Variants in STAB1 observed in about 807,000 individuals in gnomAD.
STAB1 encodes stabilin-1.
Under a neutral mutation model 332.4 loss-of-function variants are expected in STAB1, and 250 were observed. The observed-to-expected ratio is 0.75, with a 90% confidence interval of 0.68 to 0.84. The LOEUF (loss-of-function observed/expected upper bound fraction) is 0.84. STAB1 is among the 40% of genes least tolerant of loss of function. The pLI is 0.00. For missense variants in STAB1, 3,249 were observed against 3,489.7 expected, an observed-to-expected ratio of 0.93 and a Z score of 1.74; for synonymous variants, 1,475 against 1,390.4, an observed-to-expected ratio of 1.06 and a Z score of -1.35.
At chr3:52,524,051 T>C (rs532043086) in intron 67 of STAB1, 34 bp downstream of exon 67, 29 of 1,612,270 alleles carry the variant, frequency 1.8e-5, no homozygotes, top group South Asian at 3.3e-5. Flanking sequence ...TGGCGGGTCC[T>C]TGGATCTCGC....
At chr3:52,509,176 C>T (rs1212694477) in intron 21 of STAB1, 34 bp from the exon 22 acceptor site, 3 of 1,601,336 alleles carry the variant, frequency 1.9e-6, no homozygotes, top group Non-Finnish European at 2.6e-6. Context: ...AGTCCCTTTC[C>T]CATGACTGAT....
rs369232533 is a variant in STAB1, at chr3:52,511,752, G to A, written c.2883+7G>A. 1.3e-6 allele frequency: 2 copies of A among 1,574,886 alleles called. No homozygotes were observed. Among genetic ancestry groups the A allele is most frequent in the African/African-American group, 2.7e-5 (2 of 74,184 alleles). ...TGGCGGCTGCCACGGCCTGGTAAGG[G>A]GGTGCAAGGCTCAGAGCCCTGGGGA... is the stretch of plus-strand genomic sequence containing the variant. On this transcript the variant is annotated splice_region_variant and intron_variant, in intron 26 of 68. Transcript: ENST00000321725.
Position 52,507,934 on chromosome 3 carries a change from A to T in STAB1, c.2056A>T (p.Ile686Phe), listed in dbSNP as rs1708998099. The change falls in exon 20 of 69, where the codon ATC becomes TTC. Residue 686 changes from isoleucine to phenylalanine, a missense_variant. By Grantham distance (21) the Ile-to-Phe change is conservative. Transcript: ENST00000321725. ...GGCTTTGCATGGCCCACCCTAGGAC[A>T]TCTTCCCCAAGGAGTGTGTCTACAT... is the stretch of plus-strand genomic sequence containing the variant. The part of the protein sequence containing the change: ...TCPPNSVKLD[I>F]FPKECVYIHD... 1.2e-6 allele frequency: 2 copies of T among 1,613,280 alleles called. No homozygotes were observed. The highest frequency in any genetic ancestry group is 1.7e-6 in the Non-Finnish European group (2 of 1,179,844).
At position 52,509,774 on chromosome 3, in the gene STAB1, G is replaced by A. The variant is rs1251131451; in HGVS notation, c.2348-96G>A. On this transcript the variant is annotated intron_variant, in intron 22 of 68. Coordinates refer to ENST00000321725, the MANE Select transcript of STAB1 (RefSeq NM_015136.3). ...CCACCCTGAAGTCAAATCTGTACTG[G>A]CTGCCCCACTCCCTATATCCCCCAA... The A allele has an allele frequency of 4.4e-6, 6 of 1,357,102 alleles. No individual in the cohort carries two copies. In the East Asian group the frequency reaches 1.2e-4, roughly 27 times the overall value. The allele number at this position is 1,357,102 out of a possible 1,614,324, so 84.1% of individuals were successfully genotyped here. A position where few individuals can be genotyped will look rare whatever the true frequency, so the allele number is the denominator to read the frequency against.
At chr3:52,503,178 C>T (rs1708579297) in intron 7 of STAB1, 69 bp downstream of exon 7, 2 of 1,513,728 alleles carry the variant, frequency 1.3e-6, no homozygotes, top group South Asian at 2.4e-5. Flanking sequence ...CATCCTTTAA[C>T]CCAGCAAGTG....
intron 40 of STAB1, 44 bp downstream of exon 40, chr3:52,516,631 C>T: frequency 6.2e-7 from 1 of 1,611,966 alleles, no homozygotes; most frequent in Non-Finnish European, 8.5e-7. Context: ...TGGCGGGGAG[C>T]CTGGGGGTCA....
rs764554524 is a variant in STAB1, at chr3:52,521,397, G to A, written c.5945G>A (p.Arg1982His). 50 of 1,613,896 alleles carry A rather than the reference G, an allele frequency of 3.1e-5. No homozygotes were observed. In the East Asian group the frequency reaches 5.6e-4, roughly 18 times the overall value. ...PGGPSSPCSDRGVCMDGMSGS... is the reference protein window; with the variant it reads ...PGGPSSPCSDHGVCMDGMSGS... ...GGCCCCAGCAGCCCTTGTAGTGACC[G>A]TGGCGTGTGCATGGACGGCATGAGT... Residue 1982 changes from arginine (R) to histidine (H), a missense_variant, in exon 56 of 69, where the codon CGT (arginine) becomes CAT (histidine). By Grantham distance (29) the Arg-to-His change is conservative. Coordinates refer to ENST00000321725, the MANE Select transcript of STAB1 (RefSeq NM_015136.3).
At position 52,514,771 on chromosome 3, in the gene STAB1, C is replaced by T. The variant is rs143656881; in HGVS notation, c.3749C>T (p.Ser1250Leu). 643 of 1,612,988 alleles carry T rather than the reference C, an allele frequency of 4.0e-4. 6 individuals carry two copies. Among genetic ancestry groups the T allele is most frequent in the South Asian group, 3.3e-3 (304 of 91,074 alleles). Residue 1250 changes from serine (S) to leucine (L), a missense_variant, in exon 35 of 69, where the codon TCG (serine) becomes TTG (leucine). Physicochemically the swap from Ser to Leu is moderately radical, Grantham distance 145. Coordinates refer to ENST00000321725, the MANE Select transcript of STAB1 (RefSeq NM_015136.3). ...CCTGGCCGCTCGCTGATTGGTCTGT[C>T]GGGGGTCCTGACGGTGGGCTCAAGT... ...EAPGRSLIGL[S>L]GVLTVGSSRC...
In STAB1 at chr3:52,503,770, A is replaced by C; in HGVS notation, c.892-2A>C. 6.2e-7 allele frequency: 1 copy of C among 1,613,020 alleles called. No individual in the cohort carries two copies. The highest frequency in any genetic ancestry group is 8.5e-7 in the Non-Finnish European group (1 of 1,179,996). On this transcript the variant is annotated splice_acceptor_variant, in intron 8 of 68. Coordinates refer to ENST00000321725, the MANE Select transcript of STAB1 (RefSeq NM_015136.3). LOFTEE classifies it high-confidence loss of function. ...TTCCCCTCCTGCCCTGTCGGGGGCCAGGCCTTCTGCACCTGCCGGCCAGGC... is the reference window on the plus strand; with the variant it reads ...TTCCCCTCCTGCCCTGTCGGGGGCCCGGCCTTCTGCACCTGCCGGCCAGGC...
Position 52,522,907 on chromosome 3 carries a change from G to C in STAB1, c.6877G>C (p.Glu2293Gln). 2 of 1,613,354 alleles carry C rather than the reference G, an allele frequency of 1.2e-6. No individual in the cohort carries two copies. The highest frequency in any genetic ancestry group is 1.7e-6 in the Non-Finnish European group (2 of 1,180,010). ...CCTGGGTGCCCGCAAGAACCTCTCA[G>C]AACGCTGGGATGCCTACTGCTTCCG... ...VSLGARKNLS[E>Q]RWDAYCFRVQ... Residue 2293 changes from glutamate (E) to glutamine (Q), a missense_variant, in exon 62 of 69, where the codon GAA becomes CAA. Glu to Gln is a conservative substitution (Grantham distance 29). Coordinates refer to ENST00000321725, the MANE Select transcript of STAB1 (RefSeq NM_015136.3).
Position 52,524,473 on chromosome 3 carries a change from G to A in STAB1, c.*117G>A. 3.1e-6 allele frequency: 5 copies of A among 1,612,818 alleles called. No individual in the cohort carries two copies. The highest frequency in any genetic ancestry group is 4.2e-6 in the Non-Finnish European group (5 of 1,180,000). On this transcript the variant is annotated 3_prime_UTR_variant, in exon 69 of 69. Transcript: ENST00000321725. ...GTCCCAGACAATAAAGGTGCCCTCA[G>A]CGGATGTGGGCCATGTCACCAAGGA...
At chr3:52,499,070 T>A (rs1708246846) in intron 1 of STAB1, among the ~76,000 whole-genome samples, 1 of 152,168 alleles carries the variant, frequency 6.6e-6, no homozygotes, top group Admixed American at 6.5e-5. Context: ...CATCTGTAAA[T>A]TATTCCAGGA....
Position 52,524,204 on chromosome 3 carries a change from A to C in STAB1, c.7647A>C (p.Glu2549Asp). 6.2e-7 allele frequency: 1 copy of C among 1,614,046 alleles called. No homozygotes were observed. Among genetic ancestry groups the C allele is most frequent in the South Asian group, 1.1e-5 (1 of 91,090 alleles). Residue 2549 changes from glutamate to aspartate, a missense_variant, in exon 68 of 69, where the codon GAA (glutamate) becomes GAC (aspartate). Transcript: ENST00000321725. Reference protein sequence around the residue: ...NPVFGSDTFCEPFDDSLLEED... With the variant: ...NPVFGSDTFCDPFDDSLLEED... ...TCTTTGGCAGCGACACCTTTTGTGA[A>C]CCCTTCGATGTAAGCATGGAAGTGA...
chr3:52,495,425 C>A lies in STAB1; in HGVS notation c.12C>A (p.Pro4=), dbSNP rs1233051409. MAG[P]RGLLPLCLLA... is the part of the protein sequence containing the mutation. The stretch of plus-strand genomic sequence containing the variant: ...CGTGCCCACCAGCCATGGCGGGGCC[C>A]CGGGGCCTCCTCCCACTCTGCCTCC... The change falls in exon 1 of 69, where the codon CCC becomes CCA. Residue 4 remains proline, a synonymous_variant. Transcript: ENST00000321725. The A allele has an allele frequency of 6.7e-6, 9 of 1,341,820 alleles. No homozygotes were observed. The East Asian group carries it at 2.5e-4, about 37-fold the overall frequency. The allele number at this position is 1,341,820 out of a possible 1,614,324, so 83.1% of individuals were successfully genotyped here.
At chr3:52,524,041 T>A (rs1472738828) in intron 67 of STAB1, 24 bp downstream of exon 67, 5 of 1,611,934 alleles carry the variant, frequency 3.1e-6, no homozygotes, top group Middle Eastern at 1.6e-4. Flanking sequence ...GGGGCTGCCA[T>A]GGCGGGTCCT....
chr3:52,502,198 C>A lies in STAB1; in HGVS notation c.457C>A (p.Pro153Thr), dbSNP rs751168593. The A allele has an allele frequency of 2.5e-5, 40 of 1,613,206 alleles. No homozygotes were observed. Among genetic ancestry groups the A allele is most frequent in the Non-Finnish European group, 3.4e-5 (40 of 1,180,000 alleles). The change falls in exon 5 of 69, where the codon CCC becomes ACC. Residue 153 changes from proline (P) to threonine (T), a missense_variant. Coordinates refer to ENST00000321725, the MANE Select transcript of STAB1 (RefSeq NM_015136.3). ...CTCAGCCTGCCAGGAGTGCCAAGAC[C>A]CCAACCGGTTCGGGCCTGACTGCCA... is the stretch of plus-strand genomic sequence containing the variant. ...RGSACQECQD[P>T]NRFGPDCQSV...
chr3:52,517,157 C>A (rs774594123), intron 42 of STAB1, 48 bp downstream of exon 42: 1 of 1,513,474 alleles, frequency 6.6e-7, no homozygotes, highest in Non-Finnish European at 8.8e-7. Context: ...AGGGGTCTGG[C>A]TTCAGTGATC....
rs767012243 is a variant in STAB1 at position 52,511,722 on chromosome 3, G to A, written c.2860G>A (p.Gly954Ser). The change falls in exon 26 of 69, where the codon GGC becomes AGC. Residue 954 changes from glycine (G) to serine (S), a missense_variant. Transcript: ENST00000321725. ...QCSPIDPCRAGNGGCHGLATC... is the reference protein window; with the variant it reads ...QCSPIDPCRASNGGCHGLATC... Reference sequence around the variant, plus strand: ...CAGCCCCATCGACCCCTGCCGGGCAGGCAATGGCGGCTGCCACGGCCTGGT... The same window carrying A: ...CAGCCCCATCGACCCCTGCCGGGCAAGCAATGGCGGCTGCCACGGCCTGGT... 6.2e-7 allele frequency: 1 copy of A among 1,601,526 alleles called. No individual in the cohort carries two copies. The highest frequency in any genetic ancestry group is 1.3e-5 in the African/African-American group (1 of 74,754).
At chr3:52,516,644 G>A (rs766535405) in intron 40 of STAB1, 48 bp from the exon 41 acceptor site, 1 of 1,612,410 alleles carries the variant, frequency 6.2e-7, no homozygotes, top group African/African-American at 1.3e-5. Context: ...GGGGGTCAAG[G>A]CACGACTGGA....
Sources: gnomAD v4.1 joint callset for allele counts (sites outside exome capture counted in the v4.1 genomes callset) on GRCh38, gnomAD v4.1.1 for gene constraint, MANE v1.5 for transcripts, NCBI Gene and HGNC (gene_info 2026-07-23, HGNC 2026-07-21) for gene names.